KLRG2: variants seen among roughly 807,000 people sequenced by gnomAD.
The protein encoded by KLRG2 is killer cell lectin-like receptor subfamily G member 2.
A neutral mutation model predicts 35.4 loss-of-function variants in KLRG2; 39 were observed. That is an observed-to-expected ratio of 1.10 (90% confidence interval 0.85 to 1.44). The LOEUF is 1.44. KLRG2 is among the 40% of genes most tolerant of loss of function. The probability of loss-of-function intolerance (pLI) is 0.00; values close to 1 mark genes in which losing one functional copy is unlikely to be tolerated. For synonymous variants in KLRG2, 283 were observed against 265.8 expected, an observed-to-expected ratio of 1.06 and a Z score of -0.63; for missense variants, 632 against 570.9, an observed-to-expected ratio of 1.11 and a Z score of -1.09.
chr7:139,432,621 T>C, the KLRG2 span, among the ~76,000 whole-genome samples: 2 of 141,986 alleles, frequency 1.4e-5, no homozygotes, highest in Non-Finnish European at 3.1e-5. Flanking sequence ...GTGATCTCGG[T>C]TCAGTGCAGC....
downstream of KLRG2, among the ~76,000 whole-genome samples, chr7:139,450,386 G>A (rs936802447): frequency 3.9e-5 from 6 of 151,928 alleles, no homozygotes; most frequent in African/African-American, 9.7e-5. Flanking sequence ...ACCACGCCCG[G>A]CTAATTTTTT....
At chr7:139,463,755 G>A (rs1000199013) in intron 3 of KLRG2, among the ~76,000 whole-genome samples, 4 of 152,200 alleles carry the variant, frequency 2.6e-5, no homozygotes, top group African/African-American at 4.8e-5. Context: ...TTGACTTAGC[G>A]GCTGACGACC....
At chr7:139,466,746 A>T (rs1398139958) in intron 3 of KLRG2, among the ~76,000 whole-genome samples, 1 of 146,820 alleles carries the variant, frequency 6.8e-6, no homozygotes, top group Non-Finnish European at 1.5e-5. Flanking sequence ...AAAATAAAAT[A>T]AAAAAAATAA....
Position 139,480,234 on chromosome 7 carries a change from G to GTGT in KLRG2, c.770_771insACA (p.Tyr257delinsTer), listed in dbSNP as rs756711262. 14 of 1,604,752 alleles carry GTGT rather than the reference G, an allele frequency of 8.7e-6. No homozygotes were observed. The East Asian group carries it at 2.9e-4, about 33-fold the overall frequency. ...CCAGGGCCCAGTACAGGGACTTCACGTACATGGGTAGCCCTGGGACGGGGG... is the reference window on the plus strand; with the variant it reads ...CCAGGGCCCAGTACAGGGACTTCACGTGTTACATGGGTAGCCCTGGGACGGGGG... On this transcript the variant is annotated stop_gained, in exon 2 of 5. Transcript: ENST00000340940. LOFTEE classifies it high-confidence loss of function.
intron 3 of KLRG2, among the ~76,000 whole-genome samples, chr7:139,460,077 G>A (rs941590651): frequency 6.6e-6 from 1 of 152,050 alleles, no homozygotes; most frequent in Non-Finnish European, 1.5e-5. Flanking sequence ...GTAGAGGGTG[G>A]GTTTCACCAT....
chr7:139,432,573 A>T, the KLRG2 span, among the ~76,000 whole-genome samples: 1 of 122,306 alleles, frequency 8.2e-6, no homozygotes. Context: ...TTTTTTTGAG[A>T]CGGAATCTAA....
intron 1 of KLRG2, among the ~76,000 whole-genome samples, chr7:139,482,384 G>A (rs1796975769): frequency 1.3e-5 from 2 of 151,978 alleles, no homozygotes; most frequent in East Asian, 3.9e-4. Context: ...GGATGAGAAG[G>A]GGAGTGGCTT....
At chr7:139,456,388 C>T (rs1056627497) in intron 3 of KLRG2, among the ~76,000 whole-genome samples, 7 of 152,040 alleles carry the variant, frequency 4.6e-5, no homozygotes, top group African/African-American at 7.3e-5. Context: ...ATTTTTGAGA[C>T]GGAGTCTTGC....
rs1343171482 is a variant in KLRG2, at chr7:139,455,425, C to T, written c.1006-1211G>A. 5.3e-5 allele frequency among the ~76,000 whole-genome samples: 8 copies of T among 151,100 alleles called. No individual in the cohort carries two copies. The East Asian group carries it at 1.6e-3, about 29-fold the overall frequency. On this transcript the variant is annotated intron_variant, in intron 3 of 4. Coordinates refer to ENST00000340940, the MANE Select transcript of KLRG2 (RefSeq NM_198508.4). ...CAAGCTCTGTCTCCTGGGTTCACGC[C>T]ATTCTCCTGCCTCAGCCTCCCGAGT...
chr7:139,472,810 A>G (rs556497540), intron 3 of KLRG2, among the ~76,000 whole-genome samples: 7 of 152,304 alleles, frequency 4.6e-5, no homozygotes, highest in Non-Finnish European at 8.8e-5. Context: ...ATGTACGGGA[A>G]AAAGGACCGG....
intron 3 of KLRG2, among the ~76,000 whole-genome samples, chr7:139,462,375 C>T (rs1375192350): frequency 6.7e-6 from 1 of 150,280 alleles, no homozygotes; most frequent in Non-Finnish European, 1.5e-5. Flanking sequence ...TCCTGGGGGG[C>T]AAGCACCCCC....
At chr7:139,443,246 G>A in the KLRG2 span, among the ~76,000 whole-genome samples, 1 of 150,310 alleles carries the variant, frequency 6.7e-6, no homozygotes, top group African/African-American at 2.4e-5. Context: ...AGACCATGCC[G>A]GGCTAATTTT....
At chr7:139,432,697 G>A in the KLRG2 span, among the ~76,000 whole-genome samples, 3 of 152,128 alleles carry the variant, frequency 2.0e-5, no homozygotes, top group Non-Finnish European at 2.9e-5. Context: ...ATACAAAATG[G>A]TGTGGCATTT....
Position 139,454,653 on chromosome 7 carries a change from T to TAA in KLRG2, c.1006-441_1006-440dup, listed in dbSNP as rs111967887. Among the ~76,000 whole-genome samples the TAA allele has an allele frequency of 4.0e-4, 58 of 145,054 alleles. No individual in the cohort carries two copies. In the East Asian group the frequency reaches 4.8e-3, roughly 12 times the overall value. On this transcript the variant is annotated intron_variant, in intron 3 of 4. Transcript: ENST00000340940. ...CAACATAGTGAAACCCCGTTTCTAT[T>TAA]AAAAAAAAAAAAATTAGCTGGGCAT...
intron 3 of KLRG2, among the ~76,000 whole-genome samples, chr7:139,460,931 C>T (rs989477310): frequency 3.3e-5 from 5 of 151,890 alleles, no homozygotes; most frequent in South Asian, 2.1e-4. Context: ...CCACTGCACT[C>T]GAGCCTGGGT....
the KLRG2 span, among the ~76,000 whole-genome samples, chr7:139,441,334 A>C: frequency 6.6e-6 from 1 of 152,178 alleles, no homozygotes; most frequent in Non-Finnish European, 1.5e-5. Context: ...GACATGGATG[A>C]AGCTGGAAAC....
chr7:139,471,797 G>A (rs777173810), intron 3 of KLRG2, among the ~76,000 whole-genome samples: 12 of 152,244 alleles, frequency 7.9e-5, no homozygotes, highest in Non-Finnish European at 1.5e-5. Flanking sequence ...CCAGTGGCCA[G>A]TTCTTCAGGG....
At chr7:139,481,241 T>G (rs1796954615) in intron 1 of KLRG2, among the ~76,000 whole-genome samples, 1 of 152,204 alleles carries the variant, frequency 6.6e-6, no homozygotes, top group Non-Finnish European at 1.5e-5. Flanking sequence ...AACTCGATTT[T>G]AGACCAGTGA....
chr7:139,452,120 C>A (rs540588265), downstream of KLRG2, among the ~76,000 whole-genome samples: 48 of 152,120 alleles, frequency 3.2e-4, no homozygotes, highest in African/African-American at 1.2e-3. Context: ...AGGCACCCAC[C>A]ACCACGCCCA....
Sources: allele counts gnomAD v4.1 joint callset (sites outside exome capture counted in the v4.1 genomes callset), GRCh38; gene constraint gnomAD v4.1.1; transcripts MANE v1.5; gene names NCBI Gene and HGNC (gene_info 2026-07-23, HGNC 2026-07-21).